The following TEX36 variants were observed in gnomAD, a reference collection of about 807,000 sequenced individuals.
The protein encoded by TEX36 is testis-expressed protein 36.
In TEX36, 12 loss-of-function variants were observed where a neutral mutation model predicts 13.6. That is an observed-to-expected ratio of 0.88 (90% CI 0.56 to 1.43). The LOEUF (loss-of-function observed/expected upper bound fraction) is 1.43, where lower values mean the gene tolerates loss of function less well. Ranked by LOEUF, TEX36 falls within the 40% of genes most tolerant of loss-of-function variation. The pLI is 0.00. For missense variants in TEX36, 224 were observed against 228.3 expected, an observed-to-expected ratio of 0.98 and a Z score of 0.12; for synonymous variants, 93 against 83.0, an observed-to-expected ratio of 1.12 and a Z score of -0.65.
chr10:125,603,327 C>T lies in TEX36; in HGVS notation c.265-26453G>A, dbSNP rs529752196. Among the ~76,000 whole-genome samples, 574 of 152,224 alleles carry T rather than the reference C, an allele frequency of 3.8e-3. 6 individuals are homozygous for T. The highest frequency in any genetic ancestry group is 0.013 in the African/African-American group (543 of 41,564). On this transcript the variant is annotated intron_variant, in intron 3 of 3. Coordinates refer to the TEX36 transcript ENST00000532135. The stretch of plus-strand genomic sequence containing the variant: ...CCCCATCCCTGCACCAGAAACCTGG[C>T]GGGGGTCCAGGGGTGGGGTGGGCAG...
At chr10:125,673,671 T>C (rs1004305365) in intron 1 of TEX36, among the ~76,000 whole-genome samples, 7 of 143,460 alleles carry the variant, frequency 4.9e-5, no homozygotes, top group Admixed American at 3.6e-4. Context: ...GATCACACTA[T>C]TGCACTCCAG....
intron 3 of TEX36, among the ~76,000 whole-genome samples, chr10:125,635,889 T>C (rs75727854): frequency 0.075 from 11,346 of 151,908 alleles, 806 homozygotes; most frequent in East Asian, 0.3. Context: ...TTTTTTGTTT[T>C]TTGAGACAAG....
At chr10:125,608,919 G>C (rs1257292789) in intron 3 of TEX36, among the ~76,000 whole-genome samples, 1 of 146,284 alleles carries the variant, frequency 6.8e-6, no homozygotes, top group African/African-American at 2.6e-5. Flanking sequence ...CGGATCACTT[G>C]AGGCCAGGAG....
rs1565185836 is a variant in TEX36 at position 125,656,177 on chromosome 10, A to T, written c.284T>A (p.Ile95Asn). 2.0e-6 allele frequency: 3 copies of T among 1,514,736 alleles called. No homozygotes were observed. The highest frequency in any genetic ancestry group is 2.7e-6 in the Non-Finnish European group (3 of 1,130,654). 93.8% of individuals were successfully genotyped at this position (1,514,736 alleles called of 1,614,324 possible). A position where few individuals can be genotyped will look rare whatever the true frequency, so the allele number is the denominator to read the frequency against. ...YLDSGLGRKKISPDKRQHVSR... is the reference protein window; with the variant it reads ...YLDSGLGRKKNSPDKRQHVSR... ...AACATGTTGCCTCTTATCTGGAGAG[A>T]TCTTCTTACGTCCCAGGCCCTGGAG... is the stretch of plus-strand genomic sequence containing the variant. Residue 95 changes from isoleucine (I) to asparagine (N), a missense_variant, in exon 4 of 4, where the codon ATC becomes AAC. Ile to Asn is a moderately radical substitution (Grantham distance 149). Coordinates refer to ENST00000368821, the MANE Select transcript of TEX36 (RefSeq NM_001128202.3).
At chr10:125,580,489 G>C (rs191488784) in intron 3 of TEX36, among the ~76,000 whole-genome samples, 1 of 152,298 alleles carries the variant, frequency 6.6e-6, no homozygotes, top group African/African-American at 2.4e-5. Context: ...GCCTGTCCCA[G>C]TGCCTGGAGG....
intron 3 of TEX36, among the ~76,000 whole-genome samples, chr10:125,585,938 C>T (rs927021456): frequency 1.3e-5 from 2 of 152,220 alleles, no homozygotes; most frequent in African/African-American, 4.8e-5. Flanking sequence ...TTGGAAACTT[C>T]CCTGCCCTAC....
chr10:125,630,511 A>G (rs1846539253), intron 3 of TEX36, among the ~76,000 whole-genome samples: 1 of 152,172 alleles, frequency 6.6e-6, no homozygotes, highest in Non-Finnish European at 1.5e-5. Flanking sequence ...CAAAAGCTCT[A>G]TTCGTTTTTA....
At chr10:125,648,530 G>A (rs1338534139) in intron 3 of TEX36, among the ~76,000 whole-genome samples, 1 of 152,228 alleles carries the variant, frequency 6.6e-6, no homozygotes, top group Non-Finnish European at 1.5e-5. Flanking sequence ...ACAAAAGGTA[G>A]ATAGAACCAC....
intron 3 of TEX36, among the ~76,000 whole-genome samples, chr10:125,584,279 A>G (rs995396828): frequency 6.6e-6 from 1 of 152,230 alleles, no homozygotes; most frequent in African/African-American, 2.4e-5. Context: ...ACTGTCCACA[A>G]ATAAAATGGA....
At chr10:125,582,093 C>T (rs897805109) in intron 3 of TEX36, among the ~76,000 whole-genome samples, 3 of 152,180 alleles carry the variant, frequency 2.0e-5, no homozygotes, top group Admixed American at 6.5e-5. Flanking sequence ...ATCTGAGTGC[C>T]TTCCCATGGC....
chr10:125,605,073 T>G (rs987514120), intron 3 of TEX36, among the ~76,000 whole-genome samples: 3 of 152,178 alleles, frequency 2.0e-5, no homozygotes, highest in Non-Finnish European at 4.4e-5. Context: ...TCCACAAAAC[T>G]GGTCCCTGGT....
chr10:125,625,863 T>C (rs1397584726), intron 3 of TEX36, among the ~76,000 whole-genome samples: 1 of 152,216 alleles, frequency 6.6e-6, no homozygotes, highest in East Asian at 1.9e-4. Context: ...CTGCTACAGG[T>C]GAAGGATTTC....
rs142945802 is a variant in TEX36 at position 125,630,827 on chromosome 10, T to C, written c.265-9182A>G. Among the ~76,000 whole-genome samples the C allele has an allele frequency of 4.5e-3, 678 of 152,172 alleles. 4 individuals carry two copies. Among genetic ancestry groups the C allele is most frequent in the African/African-American group, 0.016 (649 of 41,502 alleles). On this transcript the variant is annotated intron_variant, in intron 3 of 3. Transcript: ENST00000526819. ...GGAAGATGATCAAGGGGAGAAGTCC[T>C]GAGAGAGGAAATTACCCAAGGGAAG...
intron 3 of TEX36, among the ~76,000 whole-genome samples, chr10:125,622,762 G>C (rs1423912500): frequency 6.6e-6 from 1 of 152,222 alleles, no homozygotes; most frequent in Non-Finnish European, 1.5e-5. Flanking sequence ...TCATCGAGGA[G>C]TAGTAGTCGA....
At chr10:125,595,675 C>T (rs892499049) in intron 3 of TEX36, among the ~76,000 whole-genome samples, 1 of 152,174 alleles carries the variant, frequency 6.6e-6, no homozygotes, top group Non-Finnish European at 1.5e-5. Context: ...TTTGCACTGG[C>T]TGTTCTGCTG....
chr10:125,679,314 CAGT>C (rs1847360231), intron 1 of TEX36, among the ~76,000 whole-genome samples: 1 of 152,100 alleles, frequency 6.6e-6, no homozygotes, highest in African/African-American at 2.4e-5. Flanking sequence ...TCCTCAGTCC[CAGT>C]AGCAACAGCC....
chr10:125,614,635 A>T (rs1460607352), intron 3 of TEX36, among the ~76,000 whole-genome samples: 1 of 151,880 alleles, frequency 6.6e-6, no homozygotes, highest in African/African-American at 2.4e-5. Context: ...TGTTCCATTG[A>T]TCTATATCTC....
At chr10:125,618,872 C>T (rs371651164), downstream of TEX36, among the ~76,000 whole-genome samples, 9 of 144,726 alleles carry the variant, frequency 6.2e-5, no homozygotes, top group East Asian at 6.1e-4. Context: ...TTTGGGAGGC[C>T]GAGGCAGGTG....
intron 3 of TEX36, among the ~76,000 whole-genome samples, chr10:125,588,573 C>T (rs141469305): frequency 1.7e-3 from 250 of 148,742 alleles, no homozygotes; most frequent in Middle Eastern, 0.014. Flanking sequence ...GGGAGAGAAG[C>T]GGGAGGCCCC....
Sources: allele counts gnomAD v4.1 joint callset (sites outside exome capture counted in the v4.1 genomes callset), GRCh38; gene constraint gnomAD v4.1.1; transcripts MANE v1.5; gene names NCBI Gene and HGNC (gene_info 2026-07-23, HGNC 2026-07-21).